CHD6: variants seen among roughly 807,000 people sequenced by gnomAD.
CHD6 encodes ATP-dependent chromatin remodeler CHD6.
A neutral mutation model predicts 276.9 loss-of-function variants in CHD6; 50 were observed. That is an observed-to-expected ratio of 0.18 (90% confidence interval 0.14 to 0.23). The LOEUF (loss-of-function observed/expected upper bound fraction) is 0.23, where lower values mean the gene tolerates loss of function less well. CHD6 is among the 10% of genes least tolerant of loss of function. The pLI is 1.00. For missense variants in CHD6, 2,564 were observed against 3,365.8 expected (o/e 0.76, Z 5.89); for synonymous variants, 1,173 against 1,229.3 (o/e 0.95, Z 0.96).
At chr20:41,514,746 T>C (rs1285419394) in intron 4 of CHD6, 59 bp downstream of exon 4, 3 of 1,587,484 alleles carry the variant, frequency 1.9e-6, no homozygotes, top group Non-Finnish European at 2.6e-6. Flanking sequence ...ACGATCAGTG[T>C]CAGCCAGATC....
At position 41,493,561 on chromosome 20, in the gene CHD6, C is replaced by T. The variant is rs1196474308; in HGVS notation, c.1291G>A (p.Val431Ile). ...AKVKEFESLQ[V>I]LPEIKHVERP... ...ACCACATGCTTAATTTCAGGGAGAA[C>T]TTGAAGAGATTCAAATTCTTTAACT... is the stretch of plus-strand genomic sequence containing the variant. The change falls in exon 10 of 37, where the codon GTT becomes ATT. Residue 431 changes from valine (V) to isoleucine (I), a missense_variant. Around this residue, in one of 7 missense-constraint regions of CHD6, gnomAD observed 457 missense variants for 889.0 expected, o/e 0.51. Coordinates refer to ENST00000373233, the MANE Select transcript of CHD6 (RefSeq NM_032221.5). 10 of 1,613,640 alleles carry T rather than the reference C, an allele frequency of 6.2e-6. No individual in the cohort carries two copies. Among genetic ancestry groups the T allele is most frequent in the African/African-American group, 1.3e-5 (1 of 74,912 alleles).
In CHD6 at chr20:41,413,532, C is replaced by T. The variant is rs142235758; in HGVS notation, c.6940-17G>A. On this transcript the variant is annotated splice_polypyrimidine_tract_variant and intron_variant, in intron 34 of 36. Transcript: ENST00000373233. ...ATGGACTTCCTGGATGAAGGAAAAA[C>T]GAGTATGTATAATCACGACACAATG... 1.2e-4 allele frequency: 182 copies of T among 1,511,610 alleles called. 1 individual carries two copies. In the African/African-American group the frequency reaches 1.9e-3, roughly 16 times the overall value. 93.6% of individuals were successfully genotyped at this position (1,511,610 alleles called of 1,614,324 possible).
At chr20:41,500,555 G>C (rs16985847) in intron 5 of CHD6, among the ~76,000 whole-genome samples, 3,162 of 152,192 alleles carry the variant, frequency 0.021, 84 homozygotes, top group South Asian at 0.081. Context: ...CAACAGGAAG[G>C]CAAGTAAACT....
chr20:41,504,411 T>C (rs1407150922), intron 5 of CHD6, among the ~76,000 whole-genome samples: 10 of 87,752 alleles, frequency 1.1e-4, no homozygotes, highest in African/African-American at 2.0e-4. Flanking sequence ...TTCTTTTTTT[T>C]TTTTTTTTTT....
intron 1 of CHD6, among the ~76,000 whole-genome samples, chr20:41,578,358 G>A (rs2146224644): frequency 6.6e-6 from 1 of 152,256 alleles, no homozygotes; most frequent in Non-Finnish European, 1.5e-5. Flanking sequence ...CACATAAAAA[G>A]ATATGGTGTA....
chr20:41,412,358 G>T, intron 35 of CHD6, 95 bp from the exon 36 acceptor site: 1 of 1,386,822 alleles, frequency 7.2e-7, no homozygotes, highest in Non-Finnish European at 1.0e-6. Flanking sequence ...TATTGTTCTC[G>T]TCAATGGTTG....
At chr20:41,447,267 G>C (rs1311544869) in intron 24 of CHD6, among the ~76,000 whole-genome samples, 2 of 152,160 alleles carry the variant, frequency 1.3e-5, no homozygotes, top group African/African-American at 2.4e-5. Flanking sequence ...GTATTCTGTA[G>C]GAATGACAGG....
rs771685338 is a variant in CHD6, at chr20:41,513,038, A to C, written c.703-43T>G. 6 of 1,610,866 alleles carry C rather than the reference A, an allele frequency of 3.7e-6. No individual in the cohort carries two copies. In the South Asian group the frequency reaches 4.4e-5, roughly 12 times the overall value. On this transcript the variant is annotated intron_variant, in intron 4 of 36. Coordinates refer to ENST00000373233, the MANE Select transcript of CHD6 (RefSeq NM_032221.5). ...CCGTCAGAGAAGCTCTCTGAGTGAAAGACAACAGCCTACACAAGAATACCC... is the reference window on the plus strand; with the variant it reads ...CCGTCAGAGAAGCTCTCTGAGTGAACGACAACAGCCTACACAAGAATACCC...
chr20:41,570,372 G>A (rs576603545), intron 1 of CHD6, among the ~76,000 whole-genome samples: 1 of 152,194 alleles, frequency 6.6e-6, no homozygotes, highest in African/African-American at 2.4e-5. Flanking sequence ...ACACTCAGAG[G>A]GCCAAGGAAC....
intron 1 of CHD6, among the ~76,000 whole-genome samples, chr20:41,555,080 T>C (rs1353558336): frequency 1.9e-4 from 24 of 129,674 alleles, no homozygotes; most frequent in East Asian, 2.6e-4. Flanking sequence ...ACCTCCCTCC[T>C]GGACGGGGCG....
In CHD6 at chr20:41,473,153, G is replaced by A. The variant is rs372848024; in HGVS notation, c.2664+169C>T. ...CACTCTCTAATTAGTTGGAAGGGTCGACATTTACTTTTCATTCAGTTTCAC... is the reference window on the plus strand; with the variant it reads ...CACTCTCTAATTAGTTGGAAGGGTCAACATTTACTTTTCATTCAGTTTCAC... On this transcript the variant is annotated intron_variant, in intron 17 of 36. Coordinates refer to ENST00000373233, the MANE Select transcript of CHD6 (RefSeq NM_032221.5). The surrounding 1 kb of genome is among the most constrained non-coding windows in gnomAD (Gnocchi z 4.1). The A allele has an allele frequency of 1.6e-5, 9 of 566,756 alleles. No individual in the cohort carries two copies. The highest frequency in any genetic ancestry group is 2.2e-5 in the Non-Finnish European group (7 of 325,244). The allele number at this position is 566,756 out of a possible 1,614,324, so 35.1% of individuals were successfully genotyped here.
At chr20:41,615,368 T>C (rs62208545) in intron 1 of CHD6, among the ~76,000 whole-genome samples, 1 of 149,762 alleles carries the variant, frequency 6.7e-6, no homozygotes, top group Non-Finnish European at 1.5e-5. Context: ...AAAAAAAAGT[T>C]CTCTAGGGAA....
chr20:41,614,167 T>TA (rs954174082), intron 1 of CHD6, among the ~76,000 whole-genome samples: 3 of 152,006 alleles, frequency 2.0e-5, no homozygotes, highest in African/African-American at 7.2e-5. Flanking sequence ...AATAAAGGGG[T>TA]AAAAAAATGG....
In CHD6 at chr20:41,421,362, G is replaced by A; in HGVS notation, c.5273C>T (p.Pro1758Leu). ...TGCTTCTAAGCTACCCATAAAAGTA[G>A]GGCCAGAAGCTATTTCTGCCTCAGG... ...GGPEAEIASG[P>L]TFMGSLEAGG... The change falls in exon 31 of 37, where the codon CCT becomes CTT. Residue 1758 changes from proline (P) to leucine (L), a missense_variant. This residue lies in a region of CHD6 where 1,024 missense variants were observed against 1,047.9 expected (regional missense o/e 0.98). Coordinates refer to ENST00000373233, the MANE Select transcript of CHD6 (RefSeq NM_032221.5). 1 of 1,613,950 alleles carries A rather than the reference G, an allele frequency of 6.2e-7. No homozygotes were observed. Among genetic ancestry groups the A allele is most frequent in the Non-Finnish European group, 8.5e-7 (1 of 1,179,952 alleles).
intron 1 of CHD6, among the ~76,000 whole-genome samples, chr20:41,587,521 G>A (rs994361979): frequency 6.6e-6 from 1 of 152,186 alleles, no homozygotes; most frequent in Non-Finnish European, 1.5e-5. Context: ...TTCATCCCAA[G>A]AGTTCACACC....
At position 41,558,948 on chromosome 20, in the gene CHD6, A is replaced by T. The variant is rs187350753; in HGVS notation, c.-23-7588T>A. On this transcript the variant is annotated intron_variant, in intron 1 of 36. Transcript: ENST00000373233. ...ATTATATTACAGTAATACCTTACTT[A>T]ATGTCCAGACTCTTGGAAAAAGCTA... is the stretch of plus-strand genomic sequence containing the variant. Among the ~76,000 whole-genome samples the T allele has an allele frequency of 2.0e-3, 308 of 152,312 alleles. 1 individual carries two copies. Among genetic ancestry groups the T allele is most frequent in the African/African-American group, 6.9e-3 (287 of 41,568 alleles).
At chr20:41,602,238 C>T in intron 1 of CHD6, among the ~76,000 whole-genome samples, 1 of 152,206 alleles carries the variant, frequency 6.6e-6, no homozygotes, top group Non-Finnish European at 1.5e-5. Context: ...ACAAGAATTT[C>T]AGGCTCTACT....
intron 16 of CHD6, among the ~76,000 whole-genome samples, chr20:41,475,493 AAC>A (rs2145792524): frequency 6.6e-6 from 1 of 152,342 alleles, no homozygotes; most frequent in East Asian, 1.9e-4. Context: ...TTGTAACTCT[AAC>A]AGGAGATGGA....
At chr20:41,520,982 G>T (rs577709223) in intron 3 of CHD6, among the ~76,000 whole-genome samples, 1 of 151,548 alleles carries the variant, frequency 6.6e-6, no homozygotes, top group South Asian at 2.1e-4. Context: ...AGAAACAGAG[G>T]AAGGGTAAAC....
Sources: gnomAD v4.1 joint callset for allele counts (sites outside exome capture counted in the v4.1 genomes callset) on GRCh38, gnomAD v4.1.1 for gene constraint, gnomAD v4.1.1 regional missense constraint, Gnocchi (gnomAD v3.1) non-coding constraint, MANE v1.5 for transcripts, NCBI Gene and HGNC (gene_info 2026-07-23, HGNC 2026-07-21) for gene names.